Variants in RBFOX1 observed in about 807,000 individuals in gnomAD.
The protein encoded by RBFOX1 is RNA binding fox-1 homolog 1, also known as RNA binding protein fox-1 homolog 1.
Under a neutral mutation model 57.7 loss-of-function variants are expected in RBFOX1, and 8 were observed. The observed-to-expected ratio is 0.14, with a 90% confidence interval of 0.08 to 0.25. The LOEUF (loss-of-function observed/expected upper bound fraction) is 0.25. RBFOX1 is among the 10% of genes least tolerant of loss of function. The pLI, the probability that RBFOX1 is intolerant of heterozygous loss-of-function variation, is 1.00. For missense variants in RBFOX1, 611 were observed against 548.5 expected, an observed-to-expected ratio of 1.11 and a Z score of -1.14; for synonymous variants, 326 against 222.4, an observed-to-expected ratio of 1.47 and a Z score of -4.15.
chr16:6,732,309 G>A (rs1386711153), intron 3 of RBFOX1, among the ~76,000 whole-genome samples: 1 of 152,126 alleles, frequency 6.6e-6, no homozygotes, highest in Non-Finnish European at 1.5e-5. Flanking sequence ...TCACCGTCTC[G>A]GCCCCAGGCT....
intron 14 of RBFOX1, among the ~76,000 whole-genome samples, chr16:7,689,326 C>A (rs950992534): frequency 4.6e-5 from 7 of 152,082 alleles, no homozygotes; most frequent in African/African-American, 1.7e-4. Context: ...AATAATCTTC[C>A]TGGGACAGGT....
At chr16:7,266,979 G>C (rs1009535732) in intron 4 of RBFOX1, among the ~76,000 whole-genome samples, 3 of 152,066 alleles carry the variant, frequency 2.0e-5, no homozygotes, top group Non-Finnish European at 2.9e-5. Flanking sequence ...GGGCCACTGA[G>C]ACCAAAAAGC....
At chr16:5,993,384 T>TGTGTGTGTGTGA (rs1475287832) in intron 4 of RBFOX1, among the ~76,000 whole-genome samples, 9 of 71,284 alleles carry the variant, frequency 1.3e-4, no homozygotes, top group African/African-American at 4.8e-4. Context: ...TGTGTGTGTG[T>TGTGTGTGTGTGA]GAGAGAGAGA....
intron 4 of RBFOX1, among the ~76,000 whole-genome samples, chr16:5,984,976 A>ATTTT (rs869160414): frequency 1.1e-4 from 6 of 55,716 alleles, no homozygotes; most frequent in East Asian, 1.2e-3. Context: ...ATATATATAT[A>ATTTT]TTTTTTTTTT....
rs371393737 is a variant in RBFOX1, at chr16:7,518,358, C to G, written c.239C>G (p.Thr80Arg). ...QTHSEQSPAD[T>R]SAQTVSGTAT... ...CACTCCGAGCAGAGCCCGGCGGACA[C>G]GAGCGCTCAGACCGTCTCTGGCACC... The change falls in exon 5 of 16, where the codon ACG becomes AGG. Residue 80 changes from threonine to arginine, a missense_variant. Thr to Arg is a moderately conservative substitution (Grantham distance 71). This residue lies in a region of RBFOX1 where 245 missense variants were observed against 159.1 expected (regional missense o/e 1.54). Coordinates refer to ENST00000550418, the MANE Select transcript of RBFOX1 (RefSeq NM_018723.4). 15 of 1,612,768 alleles carry G rather than the reference C, an allele frequency of 9.3e-6. No individual in the cohort carries two copies. Among genetic ancestry groups the G allele is most frequent in the South Asian group, 7.7e-5 (7 of 90,832 alleles).
intron 2 of RBFOX1, among the ~76,000 whole-genome samples, chr16:6,619,475 C>CT: frequency 6.6e-6 from 1 of 152,242 alleles, no homozygotes; most frequent in Middle Eastern, 3.4e-3. Context: ...TTCTCCCATT[C>CT]TTTTTTCTTC....
At chr16:7,291,145 G>C (rs2095763527) in intron 4 of RBFOX1, among the ~76,000 whole-genome samples, 1 of 152,178 alleles carries the variant, frequency 6.6e-6, no homozygotes, top group Non-Finnish European at 1.5e-5. Context: ...TATCTGGACA[G>C]AGGGAGATAT....
intron 3 of RBFOX1, among the ~76,000 whole-genome samples, chr16:6,759,497 G>GTGTC (rs1567136092): frequency 6.7e-6 from 1 of 149,744 alleles, no homozygotes; most frequent in African/African-American, 2.5e-5. Flanking sequence ...GTGTGTGTGT[G>GTGTC]TGTGTGTGTG....
chr16:5,534,648 G>A (rs1420490156), intron 2 of RBFOX1, among the ~76,000 whole-genome samples: 1 of 152,134 alleles, frequency 6.6e-6, no homozygotes, highest in Non-Finnish European at 1.5e-5. Flanking sequence ...GCTGGCATCC[G>A]ATTAGATGGT....
At chr16:6,460,485 A>C (rs1222483724) in intron 2 of RBFOX1, among the ~76,000 whole-genome samples, 2 of 152,178 alleles carry the variant, frequency 1.3e-5, no homozygotes, top group Non-Finnish European at 2.9e-5. Flanking sequence ...GCGGCCAAAC[A>C]TATGAGAAAA....
chr16:7,649,237 G>T (rs2064419164), intron 11 of RBFOX1, among the ~76,000 whole-genome samples: 1 of 152,046 alleles, frequency 6.6e-6, no homozygotes, highest in Non-Finnish European at 1.5e-5. Context: ...AAGATCATGG[G>T]GAAATGTGCT....
intron 4 of RBFOX1, among the ~76,000 whole-genome samples, chr16:5,920,230 G>A (rs1210201394): frequency 6.6e-6 from 1 of 152,088 alleles, no homozygotes; most frequent in Non-Finnish European, 1.5e-5. Context: ...CACCACACCC[G>A]GCCATATTAG....
chr16:6,812,989 T>C lies in RBFOX1; in HGVS notation c.-16+158339T>C, dbSNP rs537906881. Among the ~76,000 whole-genome samples, 396 of 152,236 alleles carry C rather than the reference T, an allele frequency of 2.6e-3. 2 individuals are homozygous for C. The highest frequency in any genetic ancestry group is 9.2e-3 in the African/African-American group (382 of 41,540). ...GATGTTTAAATTCCCTACTTCTCTCTTTTTTGTTAGATTTTTAAATAAAAC... is the reference window on the plus strand; with the variant it reads ...GATGTTTAAATTCCCTACTTCTCTCCTTTTTGTTAGATTTTTAAATAAAAC... On this transcript the variant is annotated intron_variant, in intron 3 of 15. Transcript: ENST00000550418.
intron 3 of RBFOX1, among the ~76,000 whole-genome samples, chr16:5,703,888 G>T (rs1405295704): frequency 6.6e-6 from 1 of 152,058 alleles, no homozygotes; most frequent in East Asian, 1.9e-4. Flanking sequence ...GCTTACAAAG[G>T]TGCTTAGCAT....
intron 1 of RBFOX1, 130 bp downstream of exon 1, chr16:6,020,122 G>A (rs2095038873): frequency 1.8e-6 from 2 of 1,109,064 alleles, no homozygotes; most frequent in Admixed American, 3.5e-5. Flanking sequence ...GGGCGCTCTG[G>A]ACGGGAACTT....
intron 4 of RBFOX1, among the ~76,000 whole-genome samples, chr16:7,351,200 C>T (rs538345108): frequency 7.2e-5 from 11 of 152,340 alleles, no homozygotes; most frequent in African/African-American, 2.6e-4. Context: ...CCAGAGCCAG[C>T]CTCACTCACT....
rs566816429 is a variant in RBFOX1 at position 6,906,869 on chromosome 16, C to T, written c.-15-145188C>T. On this transcript the variant is annotated intron_variant, in intron 3 of 15. Transcript: ENST00000550418. The stretch of plus-strand genomic sequence containing the variant: ...TCCTGAGTAGCTGAGATTACAGGCA[C>T]CTGCCACCCCACCTGGTTAATTTTT... Among the ~76,000 whole-genome samples the T allele has an allele frequency of 9.9e-5, 15 of 151,844 alleles. No homozygotes were observed. The South Asian group carries it at 3.1e-3, about 32-fold the overall frequency.
At chr16:7,380,484 T>G (rs891368679) in intron 4 of RBFOX1, among the ~76,000 whole-genome samples, 2 of 152,248 alleles carry the variant, frequency 1.3e-5, no homozygotes, top group Non-Finnish European at 2.9e-5. Context: ...ATTATGTACT[T>G]CAGTCTTAAC....
chr16:6,163,595 G>C (rs1368133265), intron 1 of RBFOX1, among the ~76,000 whole-genome samples: 1 of 152,146 alleles, frequency 6.6e-6, no homozygotes, highest in Non-Finnish European at 1.5e-5. Context: ...TGGGTGTTCT[G>C]TAAGCCTGAG....
Sources: gnomAD v4.1 joint callset for allele counts (sites outside exome capture counted in the v4.1 genomes callset) on GRCh38, gnomAD v4.1.1 for gene constraint, gnomAD v4.1.1 regional missense constraint, MANE v1.5 for transcripts, NCBI Gene and HGNC (gene_info 2026-07-23, HGNC 2026-07-21) for gene names.